TRPM5: variants seen among roughly 807,000 people sequenced by gnomAD.
TRPM5 encodes the protein MLSN1 and TRP-related.
TRPM5 carries 121 observed loss-of-function variants against 124.9 expected under a neutral mutation model. The observed-to-expected ratio is 0.97, with a 90% confidence interval of 0.84 to 1.13. The LOEUF (loss-of-function observed/expected upper bound fraction) is 1.13. TRPM5 is among the 50% of genes most tolerant of loss of function. The pLI is 0.00. For missense variants in TRPM5, 1,643 were observed against 1,589.1 expected (o/e 1.03, Z -0.58); for synonymous variants, 781 against 700.5 (o/e 1.11, Z -1.81).
At chr11:2,427,633 G>A (rs759059282), upstream of TRPM5, among the ~76,000 whole-genome samples, 10 of 152,388 alleles carry the variant, frequency 6.6e-5, no homozygotes, top group East Asian at 1.9e-4. Context: ...GGGCATGTCC[G>A]ATTTGACTGG....
intron 12 of TRPM5, among the ~76,000 whole-genome samples, 182 bp downstream of exon 17, chr11:2,413,879 G>A (rs535193838): frequency 6.6e-6 from 1 of 152,326 alleles, no homozygotes; most frequent in East Asian, 1.9e-4. Flanking sequence ...GGCAGGAGGA[G>A]TGTGCCTGGT....
At chr11:2,407,912 T>A in exon 19 of TRPM5, 1 of 1,613,256 alleles carries the variant, frequency 6.2e-7, no homozygotes, top group East Asian at 2.2e-5. Context: ...CACACGGGCT[T>A]CTGGAAAGCA....
rs573461328 is a variant in TRPM5 at position 2,413,952 on chromosome 11, G to A, written c.1890+109C>T. On this transcript the variant is annotated intron_variant, in intron 12 of 23. Transcript: ENST00000155858. Reference sequence around the variant, plus strand: ...CCCACCCCGCCCCCTCTGTGCTGAGGACGGGAGTGACAGGGCAGCTGCAGG... The same window carrying A: ...CCCACCCCGCCCCCTCTGTGCTGAGAACGGGAGTGACAGGGCAGCTGCAGG... The A allele has an allele frequency of 5.5e-5, 80 of 1,447,350 alleles. 1 individual carries two copies. In the South Asian group the frequency reaches 9.6e-4, roughly 17 times the overall value. The allele number at this position is 1,447,350 out of a possible 1,614,324, so 89.7% of individuals were successfully genotyped here. A position where few individuals can be genotyped will look rare whatever the true frequency, so the allele number is the denominator to read the frequency against.
intron 7 of TRPM5, 25 bp from the exon 13 acceptor site, chr11:2,416,049 G>C: frequency 6.4e-7 from 1 of 1,563,572 alleles, no homozygotes; most frequent in Non-Finnish European, 8.7e-7. Flanking sequence ...GGCAGGCACT[G>C]GTGAGGGTGG....
In TRPM5 at chr11:2,411,561, C is replaced by T. The variant is rs201049327; in HGVS notation, c.2608-35G>A. On this transcript the variant is annotated intron_variant, in intron 17 of 23. Coordinates refer to ENST00000155858, the Ensembl canonical transcript of TRPM5. ...GCAGGGGCAGAGAGAGGGACGTCAG[C>T]GGCCAGCCGGGTGGGGCCCAGGCAG... is the stretch of plus-strand genomic sequence containing the variant. The T allele has an allele frequency of 3.2e-4, 521 of 1,607,162 alleles. 3 individuals are homozygous for T. Among genetic ancestry groups the T allele is most frequent in the Admixed American group, 5.9e-4 (35 of 59,780 alleles).
the TRPM5 span, among the ~76,000 whole-genome samples, chr11:2,436,463 C>G: frequency 1.0e-3 from 157 of 152,368 alleles, no homozygotes; most frequent in Non-Finnish European, 1.7e-3. Flanking sequence ...CACCACTCTC[C>G]AGGGAGGGGA....
At chr11:2,415,709 G>A (rs778719416) in intron 8 of TRPM5, among the ~76,000 whole-genome samples, 197 bp downstream of exon 13, 1 of 152,196 alleles carries the variant, frequency 6.6e-6, no homozygotes, top group Non-Finnish European at 1.5e-5. Flanking sequence ...GGGGACAGCC[G>A]GCACCCAGCC....
chr11:2,420,507 G>C (rs1845756564), intron 3 of TRPM5, 102 bp from the exon 9 acceptor site: 3 of 1,250,678 alleles, frequency 2.4e-6, no homozygotes, highest in Non-Finnish European at 3.3e-6. Flanking sequence ...ACGCCATGGG[G>C]CCCCGCACAA....
At chr11:2,421,543 T>G (rs910692739) in intron 2 of TRPM5, among the ~76,000 whole-genome samples, 2 of 152,144 alleles carry the variant, frequency 1.3e-5, no homozygotes, top group Non-Finnish European at 2.9e-5. Flanking sequence ...AATCCCAGGA[T>G]GTTTTCCCAA....
intron 3 of TRPM5, 76 bp downstream of exon 8, chr11:2,420,956 T>G: frequency 7.0e-7 from 1 of 1,431,618 alleles, no homozygotes. Flanking sequence ...CCCAGAGCTC[T>G]GCCCGCTGCC....
At chr11:2,418,204 T>C in exon 6 of TRPM5, 9 of 1,584,004 alleles carry the variant, frequency 5.7e-6, no homozygotes, top group Non-Finnish European at 7.7e-6. Flanking sequence ...CCAAGAGAAA[T>C]GCTTGCTGGG....
chr11:2,407,368 C>G, intron 19 of TRPM5, 68 bp from the exon 25 acceptor site: 1 of 1,439,274 alleles, frequency 6.9e-7, no homozygotes, highest in Non-Finnish European at 9.5e-7. Context: ...CATCCCCCTG[C>G]ACCCTGATTG....
At position 2,405,118 on chromosome 11, in the gene TRPM5, C is replaced by T. The variant is rs368769354; in HGVS notation, c.3392-75G>A. 4.8e-5 allele frequency: 63 copies of T among 1,314,008 alleles called. No individual in the cohort carries two copies. The East Asian group carries it at 7.6e-4, about 16-fold the overall frequency. 81.4% of individuals were successfully genotyped at this position (1,314,008 alleles called of 1,614,324 possible). On this transcript the variant is annotated intron_variant, in intron 23 of 23. Coordinates refer to ENST00000155858, the Ensembl canonical transcript of TRPM5. ...CCAGGAAGGGGAGAGGTAGCTGGCT[C>T]AGAGGCAAGGGCCAGGACGCCGTGG...
chr11:2,435,418 A>G, the TRPM5 span, among the ~76,000 whole-genome samples: 1 of 151,604 alleles, frequency 6.6e-6, no homozygotes, highest in African/African-American at 2.4e-5. This position sits in a 1 kb window ranked among gnomAD's most constrained non-coding sequence, Gnocchi z 4.1. Context: ...CTCCTCACCC[A>G]TCACCACCCA....
the TRPM5 span, among the ~76,000 whole-genome samples, chr11:2,442,721 C>T: frequency 1.3e-5 from 2 of 152,308 alleles, no homozygotes; most frequent in East Asian, 1.9e-4. The surrounding 1 kb of genome is among the most constrained non-coding windows in gnomAD (Gnocchi z 5.9). Flanking sequence ...TGCTGCCTCT[C>T]CCACAGAGTT....
intron 19 of TRPM5, 103 bp downstream of exon 24, chr11:2,407,656 C>A: frequency 6.8e-7 from 1 of 1,463,374 alleles, no homozygotes; most frequent in South Asian, 1.3e-5. Context: ...AAGCCTCACC[C>A]TCTGCAGCAC....
rs966692979 is a variant in TRPM5, at chr11:2,415,850, TGGGCAGCTC to T, written c.1128+47_1128+55del. 34 of 1,301,612 alleles carry T rather than the reference TGGGCAGCTC, an allele frequency of 2.6e-5. No individual in the cohort carries two copies. The African/African-American group carries it at 4.1e-4, about 16-fold the overall frequency. 80.6% of individuals were successfully genotyped at this position (1,301,612 alleles called of 1,614,324 possible). On this transcript the variant is annotated intron_variant, in intron 8 of 23. Transcript: ENST00000155858. ...CCACAGGGTGCAGGAGCAGGCAGCG[TGGGCAGCTC>T]GGGCAGTGCCATGATGGGGAGGTGG...
chr11:2,436,303 T>C, the TRPM5 span, among the ~76,000 whole-genome samples: 1 of 152,228 alleles, frequency 6.6e-6, no homozygotes, highest in Non-Finnish European at 1.5e-5. Flanking sequence ...CATGGTGGGC[T>C]TCAGAGGGTG....
intron 7 of TRPM5, 102 bp from the exon 13 acceptor site, chr11:2,416,126 G>A (rs1221947989): frequency 1.1e-5 from 9 of 784,526 alleles, no homozygotes; most frequent in African/African-American, 6.9e-5. Flanking sequence ...ACGCGGAAAC[G>A]GGAACTTCAC....
Sources: gnomAD v4.1 joint callset for allele counts (sites outside exome capture counted in the v4.1 genomes callset) on GRCh38, gnomAD v4.1.1 for gene constraint, Gnocchi (gnomAD v3.1) non-coding constraint, MANE v1.5 for transcripts, NCBI Gene and HGNC (gene_info 2026-07-23, HGNC 2026-07-21) for gene names.